The following RIT2 variants were observed in gnomAD, a reference collection of about 807,000 sequenced individuals.
RIT2 encodes the protein GTP-binding protein Rit2.
RIT2 carries 24 observed loss-of-function variants against 23.7 expected under a neutral mutation model. That is an observed-to-expected ratio of 1.01 (90% CI 0.73 to 1.43). The LOEUF (loss-of-function observed/expected upper bound fraction) is 1.43, where lower values mean the gene tolerates loss of function less well. Ranked by LOEUF, RIT2 falls within the 40% of genes most tolerant of loss-of-function variation. RIT2 has a pLI of 0.00. For missense variants in RIT2, 236 were observed against 266.9 expected (o/e 0.88, Z 0.81); for synonymous variants, 107 against 91.1 (o/e 1.17, Z -0.99).
intron 4 of RIT2, among the ~76,000 whole-genome samples, chr18:42,754,280 G>C (rs1913112321): frequency 6.6e-6 from 1 of 151,980 alleles, no homozygotes; most frequent in Non-Finnish European, 1.5e-5. Flanking sequence ...TCCTGGTCTT[G>C]GTATCAAAAA....
intron 3 of RIT2, among the ~76,000 whole-genome samples, chr18:42,961,983 C>T (rs1170341268): frequency 6.6e-6 from 1 of 152,160 alleles, no homozygotes; most frequent in Non-Finnish European, 1.5e-5. Flanking sequence ...TCTCACCTGT[C>T]TCACCTATGT....
intron 2 of RIT2, among the ~76,000 whole-genome samples, chr18:43,005,509 CACTT>C (rs1174850723): frequency 6.6e-6 from 1 of 151,692 alleles, no homozygotes; most frequent in Non-Finnish European, 1.5e-5. Context: ...TAGGAGAACT[CACTT>C]AATTACTCTA....
intron 3 of RIT2, among the ~76,000 whole-genome samples, chr18:42,964,999 C>A (rs544696177): frequency 5.4e-4 from 83 of 152,306 alleles, no homozygotes; most frequent in African/African-American, 1.7e-3. Context: ...TAAAACTTAA[C>A]TGAGAGCTAC....
chr18:42,917,219 A>G (rs74809950), intron 4 of RIT2, among the ~76,000 whole-genome samples: 1 of 152,180 alleles, frequency 6.6e-6, no homozygotes, highest in Non-Finnish European at 1.5e-5. Context: ...AGGACACAGT[A>G]ATCATCTGAG....
At chr18:42,902,338 G>A (rs1908497533) in intron 4 of RIT2, among the ~76,000 whole-genome samples, 1 of 151,324 alleles carries the variant, frequency 6.6e-6, no homozygotes, top group Non-Finnish European at 1.5e-5. Flanking sequence ...TAGTATATTG[G>A]TATGCTGTAA....
intron 2 of RIT2, among the ~76,000 whole-genome samples, chr18:42,993,663 T>A (rs561021284): frequency 6.6e-6 from 1 of 152,240 alleles, no homozygotes; most frequent in African/African-American, 2.4e-5. Context: ...AACTAAATTA[T>A]CTGCTTCCCT....
chr18:42,881,317 T>C (rs1373054366), intron 4 of RIT2, among the ~76,000 whole-genome samples: 4 of 152,238 alleles, frequency 2.6e-5, no homozygotes. Flanking sequence ...TATTCAATAA[T>C]GCTCAATTTT....
At chr18:42,891,876 T>C (rs919427997) in intron 4 of RIT2, among the ~76,000 whole-genome samples, 2 of 152,088 alleles carry the variant, frequency 1.3e-5, no homozygotes, top group African/African-American at 4.8e-5. Flanking sequence ...TGAATCCAAT[T>C]ATAGGACATG....
chr18:42,907,762 T>C (rs540967639), intron 4 of RIT2, among the ~76,000 whole-genome samples: 128 of 151,982 alleles, frequency 8.4e-4, no homozygotes, highest in Middle Eastern at 3.4e-3. Context: ...AGGAGGATTC[T>C]TGGAGGCCAG....
chr18:43,044,892 C>T (rs1415882787), intron 1 of RIT2, among the ~76,000 whole-genome samples: 2 of 152,038 alleles, frequency 1.3e-5, no homozygotes, highest in African/African-American at 4.8e-5. Context: ...TTGTGCTTTC[C>T]AGGACTTTAA....
intron 4 of RIT2, among the ~76,000 whole-genome samples, chr18:42,798,659 C>T (rs1253596074): frequency 6.6e-6 from 1 of 152,218 alleles, no homozygotes; most frequent in African/African-American, 2.4e-5. Flanking sequence ...GACATTGCAC[C>T]TTATGTTCTA....
intron 1 of RIT2, among the ~76,000 whole-genome samples, chr18:43,048,829 G>A (rs57902437): frequency 2.0e-4 from 30 of 152,046 alleles, no homozygotes; most frequent in African/African-American, 7.0e-4. Context: ...CTGGTGTTTC[G>A]CTTTAATGAA....
intron 3 of RIT2, among the ~76,000 whole-genome samples, chr18:42,935,986 T>C (rs1447665429): frequency 6.6e-6 from 1 of 151,684 alleles, no homozygotes; most frequent in Non-Finnish European, 1.5e-5. Context: ...CCAAGGCAGT[T>C]TCCTTTTACA....
chr18:43,083,628 T>G (rs1016968705), intron 1 of RIT2, among the ~76,000 whole-genome samples: 1 of 152,030 alleles, frequency 6.6e-6, no homozygotes, highest in South Asian at 2.1e-4. Context: ...AAACAAGCAA[T>G]GGGGAATGGA....
At chr18:43,011,406 G>C (rs556522158) in intron 2 of RIT2, among the ~76,000 whole-genome samples, 16 of 151,930 alleles carry the variant, frequency 1.1e-4, no homozygotes, top group African/African-American at 3.6e-4. Flanking sequence ...AGACAGATCA[G>C]AGTGAGACAA....
chr18:42,892,387 G>A (rs1475782015), intron 4 of RIT2, among the ~76,000 whole-genome samples: 1 of 152,254 alleles, frequency 6.6e-6, no homozygotes, highest in South Asian at 2.1e-4. Flanking sequence ...ATCTTAATTG[G>A]AGTCTATTGG....
At chr18:42,789,732 C>T (rs190100575) in intron 4 of RIT2, among the ~76,000 whole-genome samples, 132 of 152,238 alleles carry the variant, frequency 8.7e-4, no homozygotes, top group Middle Eastern at 3.4e-3. Context: ...TTGATGGAAT[C>T]TTTAGGGTTT....
At chr18:42,843,766 T>A (rs901780422) in intron 4 of RIT2, among the ~76,000 whole-genome samples, 1 of 152,146 alleles carries the variant, frequency 6.6e-6, no homozygotes, top group African/African-American at 2.4e-5. Flanking sequence ...TTTGTAGCAA[T>A]GACTGGAGAG....
intron 4 of RIT2, among the ~76,000 whole-genome samples, chr18:42,866,640 GAA>G (rs372644436): frequency 8.1e-5 from 11 of 136,084 alleles, no homozygotes; most frequent in Non-Finnish European, 7.9e-5. Flanking sequence ...GTGCTGTCAG[GAA>G]AAAAAAAAAA....
Sources: allele counts gnomAD v4.1 joint callset (sites outside exome capture counted in the v4.1 genomes callset), GRCh38; gene constraint gnomAD v4.1.1; transcripts MANE v1.5; gene names NCBI Gene and HGNC (gene_info 2026-07-23, HGNC 2026-07-21).